ECSIT: variants seen among roughly 807,000 people sequenced by gnomAD.
ECSIT encodes ECSIT signaling integrator, also known as evolutionarily conserved signaling intermediate in Toll pathway, mitochondrial.
Under a neutral mutation model 36.8 loss-of-function variants are expected in ECSIT, and 29 were observed. The observed-to-expected ratio is 0.79, with a 90% confidence interval of 0.59 to 1.08. The LOEUF is 1.08. Ranked by LOEUF, ECSIT falls within the 50% of genes least tolerant of loss-of-function variation. The pLI is 0.00. For missense variants in ECSIT, 542 were observed against 581.0 expected, an observed-to-expected ratio of 0.93 and a Z score of 0.69; for synonymous variants, 231 against 234.8, an observed-to-expected ratio of 0.98 and a Z score of 0.15.
rs540377290 is a variant in ECSIT, at chr19:11,519,561, G to T, written c.-23-368C>A. Among the ~76,000 whole-genome samples the T allele has an allele frequency of 6.6e-6, 1 of 152,164 alleles. No individual in the cohort carries two copies. The highest frequency in any genetic ancestry group is 2.4e-5 in the African/African-American group (1 of 41,542). Reference sequence around the variant, plus strand: ...TGCCCAGGCTGGTCTCGAACTGTTGGCTTCAAGTGATCCTCCCATCTCTGT... The same window carrying T: ...TGCCCAGGCTGGTCTCGAACTGTTGTCTTCAAGTGATCCTCCCATCTCTGT... On this transcript the variant is annotated intron_variant, in intron 1 of 7. Transcript: ENST00000270517. The surrounding 1 kb of genome is among the most constrained non-coding windows in gnomAD (Gnocchi z 4.4).
At position 11,507,836 on chromosome 19, in the gene ECSIT, C is replaced by G. The variant is rs373495105; in HGVS notation, c.811G>C (p.Asp271His). Residue 271 changes from aspartate (D) to histidine (H), a missense_variant, in exon 6 of 8, where the codon GAT (aspartate) becomes CAT (histidine). Coordinates refer to ENST00000270517, the MANE Select transcript of ECSIT (RefSeq NM_016581.5). The part of the protein sequence containing the change: ...QPHIVGIQSP[D>H]QQAALARHNP... ...TGGCGGGCCAGGGCGGCCTGCTGAT[C>G]GGGACTCTGGATTCCTGGTGTGGAG... 1.2e-6 allele frequency: 2 copies of G among 1,613,368 alleles called. No homozygotes were observed. Among genetic ancestry groups the G allele is most frequent in the Non-Finnish European group, 8.5e-7 (1 of 1,179,964 alleles).
intron 7 of ECSIT, among the ~76,000 whole-genome samples, chr19:11,506,753 T>A (rs1232021599): frequency 6.6e-6 from 1 of 152,110 alleles, no homozygotes; most frequent in Non-Finnish European, 1.5e-5. Flanking sequence ...CAGGCTGGTC[T>A]CGAATTCCTG....
chr19:11,527,830 A>C (rs533703163), intron 1 of ECSIT, among the ~76,000 whole-genome samples: 6 of 152,246 alleles, frequency 3.9e-5, no homozygotes, highest in Non-Finnish European at 5.9e-5. Context: ...TCTTTACAAA[A>C]ATTATTTTAA....
At chr19:11,522,256 T>C (rs1972120085) in intron 1 of ECSIT, 2 of 624,476 alleles carry the variant, frequency 3.2e-6, no homozygotes, top group South Asian at 1.7e-5. Context: ...GTACCAGGAA[T>C]ATTGGGACCT....
chr19:11,515,507 A>C (rs1164628768), intron 2 of ECSIT, among the ~76,000 whole-genome samples: 1 of 151,704 alleles, frequency 6.6e-6, no homozygotes, highest in Non-Finnish European at 1.5e-5. Flanking sequence ...CCCAGGCTGG[A>C]ATGCAATGGT....
chr19:11,523,927 A>G (rs1373540074), intron 1 of ECSIT: 2 of 366,134 alleles, frequency 5.5e-6, no homozygotes, highest in Non-Finnish European at 1.0e-5. Context: ...AGTAGTTAAG[A>G]TTTTTTGTTT....
chr19:11,515,384 G>A (rs1049358063), intron 2 of ECSIT, among the ~76,000 whole-genome samples: 7 of 151,872 alleles, frequency 4.6e-5, no homozygotes, highest in African/African-American at 1.2e-4. Flanking sequence ...TTACAGGCAT[G>A]AGCCACCGCG....
intron 4 of ECSIT, among the ~76,000 whole-genome samples, chr19:11,511,545 TAAGG>T (rs993494923): frequency 3.9e-5 from 6 of 151,906 alleles, no homozygotes; most frequent in Admixed American, 3.9e-4. Context: ...GCACAGAAAA[TAAGG>T]AAGATGCCTA....
At chr19:11,520,351 T>C (rs914684636) in intron 1 of ECSIT, among the ~76,000 whole-genome samples, 4 of 151,882 alleles carry the variant, frequency 2.6e-5, no homozygotes, top group Non-Finnish European at 2.9e-5. Context: ...TTTGTATTTT[T>C]AGTAGAGATG....
At chr19:11,515,104 CT>C (rs576893211) in intron 2 of ECSIT, among the ~76,000 whole-genome samples, 315 of 127,100 alleles carry the variant, frequency 2.5e-3, no homozygotes, top group Admixed American at 3.4e-3. Context: ...CTCCCCAAGT[CT>C]TTTTTTTTTT....
chr19:11,523,563 A>T, intron 1 of ECSIT: 1 of 1,053,384 alleles, frequency 9.5e-7, no homozygotes. Context: ...AAAGCCTTAG[A>T]CAAGCGCCAA....
chr19:11,512,518 A>T (rs1362139771), intron 4 of ECSIT, among the ~76,000 whole-genome samples: 1 of 152,174 alleles, frequency 6.6e-6, no homozygotes, highest in Non-Finnish European at 1.5e-5. Flanking sequence ...TTTGTTGTTC[A>T]TCAATGACCC....
intron 4 of ECSIT, among the ~76,000 whole-genome samples, chr19:11,512,851 A>G (rs907022381): frequency 2.0e-5 from 3 of 151,982 alleles, no homozygotes; most frequent in Non-Finnish European, 4.4e-5. Flanking sequence ...GCTGAGGTGG[A>G]AAGATCGCTT....
Position 11,511,183 on chromosome 19 carries a change from A to T in ECSIT, c.738+1873T>A, listed in dbSNP as rs1383636205. On this transcript the variant is annotated intron_variant, in intron 4 of 7. Coordinates refer to ENST00000270517, the MANE Select transcript of ECSIT (RefSeq NM_016581.5). ...ACTGTTATCTGTCCAGGACCACATG[A>T]CAAGTGCTGTGAGGGGCTCTCTTTG... Among the ~76,000 whole-genome samples the T allele has an allele frequency of 3.9e-5, 6 of 152,100 alleles. No individual in the cohort carries two copies. The South Asian group carries it at 1.0e-3, about 26-fold the overall frequency.
intron 4 of ECSIT, among the ~76,000 whole-genome samples, chr19:11,508,941 A>G (rs571470287): frequency 6.6e-6 from 1 of 152,318 alleles, no homozygotes; most frequent in East Asian, 1.9e-4. Flanking sequence ...ACATATACAG[A>G]ATATCCCAGG....
intron 1 of ECSIT, chr19:11,523,690 G>A (rs1972154151): frequency 1.4e-6 from 1 of 718,094 alleles, no homozygotes; most frequent in African/African-American, 1.7e-5. Context: ...CAAGAAACTA[G>A]GGGAATGGGT....
intron 4 of ECSIT, among the ~76,000 whole-genome samples, chr19:11,511,878 C>T (rs865944105): frequency 6.6e-6 from 1 of 151,906 alleles, no homozygotes; most frequent in African/African-American, 2.4e-5. Context: ...ACTAAAAATA[C>T]AAAAATTAGC....
Position 11,528,416 on chromosome 19 carries a change from T to C in ECSIT, c.-24+646A>G, listed in dbSNP as rs531834873. ...ACAGGCGTGCACCACTACGCCCAGA[T>C]AATTTTTTGTAGAGAACAGGGTCTT... On this transcript the variant is annotated intron_variant, in intron 1 of 7. Coordinates refer to ENST00000270517, the MANE Select transcript of ECSIT (RefSeq NM_016581.5). Among the ~76,000 whole-genome samples, 2 of 152,288 alleles carry C rather than the reference T, an allele frequency of 1.3e-5. 1 individual carries two copies. The highest frequency in any genetic ancestry group is 4.8e-5 in the African/African-American group (2 of 41,554).
In ECSIT at chr19:11,513,078, C is replaced by G; in HGVS notation, c.716G>C (p.Ser239Thr). 6.2e-7 allele frequency: 1 copy of G among 1,614,160 alleles called. No individual in the cohort carries two copies. ...FGLRHMEPDL[S>T]ARVTIYQVPL... ...TACCTGGTAGATGGTGACCCTGGCACTAAGGTCAGGCTCCATGTGCCGCAG... is the reference window on the plus strand; with the variant it reads ...TACCTGGTAGATGGTGACCCTGGCAGTAAGGTCAGGCTCCATGTGCCGCAG... The change falls in exon 4 of 8, where the codon AGT becomes ACT. Residue 239 changes from serine (S) to threonine (T), a missense_variant. Coordinates refer to ENST00000270517, the MANE Select transcript of ECSIT (RefSeq NM_016581.5).
Sources: allele counts gnomAD v4.1 joint callset (sites outside exome capture counted in the v4.1 genomes callset), GRCh38; gene constraint gnomAD v4.1.1; non-coding constraint Gnocchi (gnomAD v3.1); transcripts MANE v1.5; gene names NCBI Gene and HGNC (gene_info 2026-07-23, HGNC 2026-07-21).